Variants in RANBP17 observed in about 807,000 individuals in gnomAD.
RANBP17 encodes ran-binding protein 17.
RANBP17 carries 158 observed loss-of-function variants against 141.2 expected under a neutral mutation model. The observed-to-expected ratio is 1.12, with a 90% CI of 0.98 to 1.28. The LOEUF (loss-of-function observed/expected upper bound fraction) is 1.28. Among genes scored for constraint, RANBP17 ranks in the 50% most tolerant of loss-of-function variants. The pLI is 0.00. For missense variants in RANBP17, 1,438 were observed against 1,290.7 expected (o/e 1.11, Z -1.75); for synonymous variants, 430 against 450.0 (o/e 0.96, Z 0.56).
At chr5:170,948,567 A>C (rs895300522) in intron 12 of RANBP17, among the ~76,000 whole-genome samples, 13 of 152,304 alleles carry the variant, frequency 8.5e-5, no homozygotes, top group Admixed American at 4.6e-4. Context: ...TAAAGATATA[A>C]ATAAACAGAA....
intron 14 of RANBP17, among the ~76,000 whole-genome samples, chr5:170,990,029 C>A (rs748628457): frequency 1.7e-4 from 26 of 151,850 alleles, no homozygotes; most frequent in Non-Finnish European, 2.8e-4. Flanking sequence ...TTGGGAAAAT[C>A]AGCAAAGTCC....
At chr5:171,167,465 A>C (rs760499022) in intron 14 of RANBP17, among the ~76,000 whole-genome samples, 1 of 152,192 alleles carries the variant, frequency 6.6e-6, no homozygotes, top group Non-Finnish European at 1.5e-5. Flanking sequence ...AAATACAATA[A>C]GAAGAAAATA....
intron 14 of RANBP17, among the ~76,000 whole-genome samples, chr5:170,989,243 C>G (rs1778348360): frequency 6.6e-6 from 1 of 151,700 alleles, no homozygotes; most frequent in African/African-American, 2.4e-5. Flanking sequence ...ATCTATCCTA[C>G]TTGTGCTGCA....
chr5:170,925,699 A>G (rs1038180588), intron 12 of RANBP17, among the ~76,000 whole-genome samples: 4 of 152,122 alleles, frequency 2.6e-5, no homozygotes, highest in Non-Finnish European at 4.4e-5. Flanking sequence ...GTGTTTATCA[A>G]TTCATGCCTT....
chr5:170,989,954 A>G (rs1314822395), intron 14 of RANBP17, among the ~76,000 whole-genome samples: 1 of 151,840 alleles, frequency 6.6e-6, no homozygotes, highest in Non-Finnish European at 1.5e-5. Context: ...CTTTAGTACT[A>G]AAACAATGAG....
chr5:170,938,193 G>A (rs1003440414), intron 12 of RANBP17, among the ~76,000 whole-genome samples: 4 of 152,172 alleles, frequency 2.6e-5, no homozygotes, highest in East Asian at 1.9e-4. Flanking sequence ...GATGAAATTC[G>A]TGACAAAGCC....
intron 22 of RANBP17, among the ~76,000 whole-genome samples, chr5:171,229,687 G>A (rs572995574): frequency 8.0e-5 from 12 of 149,506 alleles, no homozygotes; most frequent in Middle Eastern, 3.3e-3. Flanking sequence ...GAGCCACTGC[G>A]CCTGGCTGAG....
chr5:171,164,371 A>G (rs571755891), intron 14 of RANBP17, among the ~76,000 whole-genome samples: 2 of 152,332 alleles, frequency 1.3e-5, no homozygotes, highest in South Asian at 2.1e-4. Context: ...TTTATTCTTT[A>G]TTAAATGTAC....
intron 14 of RANBP17, among the ~76,000 whole-genome samples, chr5:171,017,736 G>C (rs930356520): frequency 6.6e-6 from 1 of 152,122 alleles, no homozygotes. Flanking sequence ...TTCTTTTGCT[G>C]TGCAGAAGCT....
chr5:171,024,241 A>C (rs1781083857), intron 14 of RANBP17, among the ~76,000 whole-genome samples: 1 of 152,154 alleles, frequency 6.6e-6, no homozygotes, highest in African/African-American at 2.4e-5. Context: ...GTAATGGGGG[A>C]AAGAGTATAC....
At chr5:170,885,401 G>A (rs1378729705) in intron 3 of RANBP17, among the ~76,000 whole-genome samples, 1 of 152,190 alleles carries the variant, frequency 6.6e-6, no homozygotes, top group African/African-American at 2.4e-5. Flanking sequence ...ACACTGGTGT[G>A]TGACTCTTTT....
chr5:171,191,643 C>T (rs890548559), intron 18 of RANBP17, among the ~76,000 whole-genome samples: 4 of 151,500 alleles, frequency 2.6e-5, no homozygotes, highest in East Asian at 1.9e-4. Context: ...GCCGAGGTCG[C>T]GTCACTGCAC....
chr5:171,133,451 G>A (rs767471608), intron 14 of RANBP17, among the ~76,000 whole-genome samples: 5 of 151,986 alleles, frequency 3.3e-5, no homozygotes, highest in Non-Finnish European at 7.4e-5. Flanking sequence ...TGCATTTCAA[G>A]TATCATTATG....
chr5:171,058,162 T>A lies in RANBP17; in HGVS notation c.1710+89785T>A, dbSNP rs1783537701. Reference sequence around the variant, plus strand: ...ACCTCACTAATAAAATGTATTTTTTTATTTTATTATTATTATACTTTAAGT... The same window carrying A: ...ACCTCACTAATAAAATGTATTTTTTAATTTTATTATTATTATACTTTAAGT... On this transcript the variant is annotated intron_variant, in intron 14 of 27. Transcript: ENST00000523189. 2.0e-5 allele frequency among the ~76,000 whole-genome samples: 3 copies of A among 152,020 alleles called. No individual in the cohort carries two copies. The South Asian group carries it at 6.2e-4, about 32-fold the overall frequency.
intron 14 of RANBP17, among the ~76,000 whole-genome samples, chr5:171,009,694 T>A (rs1779893767): frequency 6.6e-6 from 1 of 152,132 alleles, no homozygotes; most frequent in Non-Finnish European, 1.5e-5. Context: ...CCTCAGAATG[T>A]AAATGTTTGT....
At chr5:171,030,817 A>G (rs1781506671) in intron 14 of RANBP17, among the ~76,000 whole-genome samples, 1 of 152,024 alleles carries the variant, frequency 6.6e-6, no homozygotes, top group South Asian at 2.1e-4. Context: ...AGTCAATTAC[A>G]TCCTCAAAGG....
intron 14 of RANBP17, among the ~76,000 whole-genome samples, chr5:170,988,634 A>G (rs1010280348): frequency 2.0e-5 from 3 of 151,710 alleles, no homozygotes; most frequent in African/African-American, 7.2e-5. Flanking sequence ...TCAGAAGGCT[A>G]GGGCCACAAA....
intron 14 of RANBP17, among the ~76,000 whole-genome samples, chr5:171,155,031 T>A (rs905675960): frequency 7.5e-6 from 1 of 134,092 alleles, no homozygotes; most frequent in Non-Finnish European, 1.5e-5. Context: ...TGAGCTGAAA[T>A]CACGCCACTG....
chr5:171,250,556 A>T (rs965910975), intron 24 of RANBP17, among the ~76,000 whole-genome samples: 6 of 150,840 alleles, frequency 4.0e-5, no homozygotes, highest in African/African-American at 7.3e-5. Flanking sequence ...GAACTGATTT[A>T]AAAAAAAAAT....
Sources: gnomAD v4.1 joint callset for allele counts (sites outside exome capture counted in the v4.1 genomes callset) on GRCh38, gnomAD v4.1.1 for gene constraint, MANE v1.5 for transcripts, NCBI Gene and HGNC (gene_info 2026-07-23, HGNC 2026-07-21) for gene names.